Variants in CHSY3 observed in about 807,000 individuals in gnomAD.
CHSY3 encodes chondroitin sulfate synthase 3, also known as N-acetylgalactosaminyl-proteoglycan 3-beta-glucuronosyltransferase 3.
In CHSY3, 35 loss-of-function variants were observed where a neutral mutation model predicts 67.2. That is an observed-to-expected ratio of 0.52 (90% CI 0.40 to 0.69). The LOEUF (loss-of-function observed/expected upper bound fraction) is 0.69, where lower values mean the gene tolerates loss of function less well. Ranked by LOEUF, CHSY3 falls within the 30% of genes least tolerant of loss-of-function variation. CHSY3 has a pLI of 0.00. For missense variants in CHSY3, 1,069 were observed against 1,138.5 expected (o/e 0.94, Z 0.88); for synonymous variants, 474 against 434.7 (o/e 1.09, Z -1.12).
At chr5:130,030,451 G>C (rs1764674208) in intron 2 of CHSY3, among the ~76,000 whole-genome samples, 1 of 152,056 alleles carries the variant, frequency 6.6e-6, no homozygotes, top group South Asian at 2.1e-4. Flanking sequence ...TGTTAAAACT[G>C]TATTTTGAGG....
chr5:130,122,693 T>G (rs1043477363), intron 2 of CHSY3, among the ~76,000 whole-genome samples: 1 of 152,214 alleles, frequency 6.6e-6, no homozygotes, highest in African/African-American at 2.4e-5. Context: ...TTTTTGTTTT[T>G]TCCAGGTAAA....
chr5:130,159,116 A>G (rs1217882714), intron 2 of CHSY3, among the ~76,000 whole-genome samples: 1 of 151,916 alleles, frequency 6.6e-6, no homozygotes, highest in Admixed American at 6.6e-5. Flanking sequence ...TGGTTTACTA[A>G]AAAACATTAA....
At chr5:130,113,986 T>C (rs191723027) in intron 2 of CHSY3, among the ~76,000 whole-genome samples, 12 of 152,318 alleles carry the variant, frequency 7.9e-5, no homozygotes, top group African/African-American at 2.9e-4. Flanking sequence ...ACTACTTTTC[T>C]GCTTTATGCC....
chr5:129,972,512 T>C (rs981627520), intron 2 of CHSY3, among the ~76,000 whole-genome samples: 2 of 152,062 alleles, frequency 1.3e-5, no homozygotes, highest in African/African-American at 4.8e-5. Flanking sequence ...TAATAGCCTT[T>C]TTTTTCCCCT....
At chr5:130,121,600 A>G (rs1377637057) in intron 2 of CHSY3, among the ~76,000 whole-genome samples, 3 of 152,162 alleles carry the variant, frequency 2.0e-5, no homozygotes, top group African/African-American at 2.4e-5. Flanking sequence ...TAACTACTCT[A>G]TAATATTTGT....
intron 2 of CHSY3, among the ~76,000 whole-genome samples, chr5:130,158,976 T>A (rs1264987606): frequency 6.6e-6 from 1 of 151,914 alleles, no homozygotes; most frequent in East Asian, 1.9e-4. Flanking sequence ...AATTTTTCTA[T>A]TTTTTGTAGA....
intron 2 of CHSY3, among the ~76,000 whole-genome samples, chr5:129,989,025 A>G (rs1763281913): frequency 6.6e-6 from 1 of 152,202 alleles, no homozygotes; most frequent in Non-Finnish European, 1.5e-5. Flanking sequence ...GGAGGTACAC[A>G]GTGAGAAATT....
At chr5:129,975,272 C>T (rs182265372) in intron 2 of CHSY3, among the ~76,000 whole-genome samples, 5 of 152,070 alleles carry the variant, frequency 3.3e-5, no homozygotes, top group African/African-American at 1.2e-4. Context: ...AGTTTTGTTA[C>T]CTCGGATACA....
intron 2 of CHSY3, among the ~76,000 whole-genome samples, chr5:130,155,876 G>C (rs983348149): frequency 6.6e-6 from 1 of 152,188 alleles, no homozygotes; most frequent in Non-Finnish European, 1.5e-5. Flanking sequence ...CTCAGTAGAA[G>C]GGTAGGATGG....
intron 2 of CHSY3, among the ~76,000 whole-genome samples, chr5:130,044,636 G>GATGAATTCAATGAATTCAATGAATCTA (rs1561510960): frequency 2.6e-5 from 4 of 152,100 alleles, no homozygotes; most frequent in African/African-American, 9.7e-5. Context: ...ATGTATTTGA[G>GATGAATTCAATGAATTCAATGAATCTA]TCAATGAAAA....
chr5:130,178,187 G>GTATA (rs1241887028), intron 2 of CHSY3, among the ~76,000 whole-genome samples: 3,817 of 121,334 alleles, frequency 0.031, 295 homozygotes, highest in African/African-American at 0.12. Flanking sequence ...ATGTGTGTGT[G>GTATA]TATATATATA....
At chr5:130,067,082 A>T (rs1765906951) in intron 2 of CHSY3, among the ~76,000 whole-genome samples, 1 of 152,164 alleles carries the variant, frequency 6.6e-6, no homozygotes, top group Non-Finnish European at 1.5e-5. Context: ...TTACTAAAAA[A>T]TCTGTGGTGA....
At chr5:130,107,884 CAGAG>C (rs1767461925) in intron 2 of CHSY3, among the ~76,000 whole-genome samples, 2 of 151,678 alleles carry the variant, frequency 1.3e-5, no homozygotes, top group Non-Finnish European at 3.0e-5. Flanking sequence ...TACCTCTTTT[CAGAG>C]CAGAATAGCT....
chr5:130,156,913 A>C (rs1769388627), intron 2 of CHSY3, among the ~76,000 whole-genome samples: 1 of 152,236 alleles, frequency 6.6e-6, no homozygotes, highest in African/African-American at 2.4e-5. Context: ...TACAAATATC[A>C]TTGTTATGGC....
chr5:130,019,867 T>C (rs1333306043), intron 2 of CHSY3, among the ~76,000 whole-genome samples: 2 of 152,232 alleles, frequency 1.3e-5, no homozygotes, highest in Non-Finnish European at 2.9e-5. Context: ...GTTTGATCAG[T>C]AAATTAGAGC....
intron 2 of CHSY3, among the ~76,000 whole-genome samples, chr5:130,083,968 T>C (rs1283894533): frequency 1.3e-5 from 2 of 151,960 alleles, no homozygotes; most frequent in East Asian, 1.9e-4. Flanking sequence ...ATAAGAAATA[T>C]GCATTTTTTT....
At chr5:130,003,005 G>T (rs894328903) in intron 2 of CHSY3, among the ~76,000 whole-genome samples, 2 of 152,080 alleles carry the variant, frequency 1.3e-5, no homozygotes, top group African/African-American at 4.8e-5. Flanking sequence ...TCTTTGGGTT[G>T]CTTTGCACAT....
intron 2 of CHSY3, among the ~76,000 whole-genome samples, chr5:130,015,270 C>G (rs1351377439): frequency 2.6e-5 from 4 of 152,176 alleles, no homozygotes; most frequent in African/African-American, 7.2e-5. Context: ...AGCCATGCCT[C>G]CCATACAGCC....
intron 2 of CHSY3, among the ~76,000 whole-genome samples, chr5:130,137,250 A>G (rs966817147): frequency 6.6e-6 from 1 of 152,198 alleles, no homozygotes; most frequent in Non-Finnish European, 1.5e-5. Context: ...GCTATTTAAT[A>G]CAACCAAAAT....
Sources: gnomAD v4.1 joint callset for allele counts (sites outside exome capture counted in the v4.1 genomes callset) on GRCh38, gnomAD v4.1.1 for gene constraint, MANE v1.5 for transcripts, NCBI Gene and HGNC (gene_info 2026-07-23, HGNC 2026-07-21) for gene names.